Variants in NPAS2 observed in about 807,000 individuals in gnomAD.
The protein encoded by NPAS2 is neuronal PAS domain protein 2.
NPAS2 carries 23 observed loss-of-function variants against 107.5 expected under a neutral mutation model. The ratio of observed to expected loss-of-function variants is 0.21; its 90% CI spans 0.15 to 0.30. The LOEUF is 0.30. Ranked by LOEUF, NPAS2 falls within the 10% of genes least tolerant of loss-of-function variation. NPAS2 has a pLI of 1.00. For synonymous variants in NPAS2, 403 were observed against 417.5 expected (o/e 0.97, Z 0.42); for missense variants, 756 against 1,043.3 (o/e 0.72, Z 3.79).
At chr2:100,845,266 C>T (rs1329920627) in intron 1 of NPAS2, among the ~76,000 whole-genome samples, 1 of 152,154 alleles carries the variant, frequency 6.6e-6, no homozygotes, top group Non-Finnish European at 1.5e-5. Flanking sequence ...AGTTTGGCTT[C>T]GTGGATGGTG....
intron 1 of NPAS2, among the ~76,000 whole-genome samples, chr2:100,864,325 G>A (rs1190339285): frequency 1.3e-5 from 2 of 152,264 alleles, no homozygotes; most frequent in South Asian, 2.1e-4. Context: ...TAGTCCATCA[G>A]GATAAAATAT....
intron 17 of NPAS2, chr2:100,989,591 C>A: frequency 6.6e-6 from 1 of 152,300 alleles, no homozygotes. Context: ...GACAGAAAAC[C>A]CAAAGCAGGT....
Position 100,995,931 on chromosome 2 carries a change from G to A in NPAS2, c.*349G>A, listed in dbSNP as rs1007487319. On this transcript the variant is annotated 3_prime_UTR_variant, in exon 21 of 21. Coordinates refer to ENST00000335681, the MANE Select transcript of NPAS2 (RefSeq NM_002518.4). ...TACACCGGTTGCTCTAGCCACCTGC[G>A]GCCCGCCCATCTGCGCTAGCTGGCC... 4 of 1,396,362 alleles carry A rather than the reference G, an allele frequency of 2.9e-6. No homozygotes were observed. Among genetic ancestry groups the A allele is most frequent in the East Asian group, 3.7e-5 (1 of 27,214 alleles). 86.5% of individuals were successfully genotyped at this position (1,396,362 alleles called of 1,614,324 possible).
intron 15 of NPAS2, among the ~76,000 whole-genome samples, chr2:100,978,779 G>A (rs923321094): frequency 6.6e-6 from 1 of 152,242 alleles, no homozygotes; most frequent in Non-Finnish European, 1.5e-5. Flanking sequence ...TTCTACCCAG[G>A]GAAGTCTGAC....
At chr2:100,967,664 C>A (rs1377450344) in intron 10 of NPAS2, among the ~76,000 whole-genome samples, 2 of 152,166 alleles carry the variant, frequency 1.3e-5, no homozygotes, top group Non-Finnish European at 2.9e-5. Context: ...CATCTTTCTG[C>A]CCTGCCCAGG....
At chr2:100,841,674 CAT>C (rs1029057554) in intron 1 of NPAS2, among the ~76,000 whole-genome samples, 2 of 152,174 alleles carry the variant, frequency 1.3e-5, no homozygotes, top group African/African-American at 4.8e-5. Context: ...TCTACACACA[CAT>C]ACATACACAC....
intron 1 of NPAS2, among the ~76,000 whole-genome samples, chr2:100,853,944 C>T (rs1365971841): frequency 6.7e-6 from 1 of 148,726 alleles, no homozygotes; most frequent in Non-Finnish European, 1.5e-5. Flanking sequence ...CTTTGGGAGG[C>T]CGAGGCAGGA....
At chr2:100,907,522 A>ACACACC (rs765224232) in intron 2 of NPAS2, among the ~76,000 whole-genome samples, 35 of 149,672 alleles carry the variant, frequency 2.3e-4, no homozygotes, top group South Asian at 1.1e-3. Context: ...ACACACACAC[A>ACACACC]CCCCTAAGAT....
intron 1 of NPAS2, among the ~76,000 whole-genome samples, chr2:100,892,314 C>T (rs971021189): frequency 6.6e-6 from 1 of 152,226 alleles, no homozygotes; most frequent in Non-Finnish European, 1.5e-5. Context: ...TCCATTCCTT[C>T]ACTGCATATG....
chr2:100,928,225 C>T (rs997078970), intron 3 of NPAS2, among the ~76,000 whole-genome samples: 2 of 151,928 alleles, frequency 1.3e-5, no homozygotes, highest in African/African-American at 4.8e-5. Context: ...TCAGGAAAGA[C>T]CAATCAAGCA....
At chr2:100,954,976 C>G (rs1039557531) in intron 7 of NPAS2, among the ~76,000 whole-genome samples, 2 of 151,736 alleles carry the variant, frequency 1.3e-5, no homozygotes, top group Non-Finnish European at 2.9e-5. Context: ...CTCCAGGGTT[C>G]AAGCGATTCT....
intron 1 of NPAS2, among the ~76,000 whole-genome samples, chr2:100,880,206 T>A (rs1680244893): frequency 6.6e-6 from 1 of 152,096 alleles, no homozygotes; most frequent in Non-Finnish European, 1.5e-5. Context: ...TGGAAAACAG[T>A]TTGGTGGCTC....
chr2:100,864,327 A>T (rs897863212), intron 1 of NPAS2, among the ~76,000 whole-genome samples: 2 of 152,232 alleles, frequency 1.3e-5, no homozygotes, highest in African/African-American at 4.8e-5. Context: ...GTCCATCAGG[A>T]TAAAATATTA....
intron 4 of NPAS2, among the ~76,000 whole-genome samples, chr2:100,936,620 A>G (rs946435333): frequency 2.0e-5 from 3 of 152,182 alleles, no homozygotes; most frequent in African/African-American, 4.8e-5. Context: ...GAAATCAACT[A>G]TCAGATACAT....
Position 100,873,303 on chromosome 2 carries a change from T to C in NPAS2, c.-22-31430T>C, listed in dbSNP as rs1170591541. ...ATATATATATATATATATATATATA[T>C]ATATACACACACACACACACACACA... On this transcript the variant is annotated intron_variant, in intron 1 of 20. Coordinates refer to ENST00000335681, the MANE Select transcript of NPAS2 (RefSeq NM_002518.4). Among the ~76,000 whole-genome samples, 263 of 45,924 alleles carry C rather than the reference T, an allele frequency of 5.7e-3. 1 individual carries two copies. Among genetic ancestry groups the C allele is most frequent in the Middle Eastern group, 0.029 (2 of 68 alleles). 30.1% of individuals were successfully genotyped at this position (45,924 alleles called of 152,430 possible). A position where few individuals can be genotyped will look rare whatever the true frequency, so the allele number is the denominator to read the frequency against.
In NPAS2 at chr2:100,995,995, G is replaced by T. The variant is rs1678427031; in HGVS notation, c.*413G>T. The T allele has an allele frequency of 8.0e-7, 1 of 1,244,096 alleles. No individual in the cohort carries two copies. The allele number at this position is 1,244,096 out of a possible 1,614,324, so 77.1% of individuals were successfully genotyped here. ...TCGTCTTTCCTTTGTATTGGAGAAG[G>T]ACTGGGTCAGAGATCTGTTGGAGAG... On this transcript the variant is annotated 3_prime_UTR_variant, in exon 21 of 21. Transcript: ENST00000335681.
At position 100,996,646 on chromosome 2, in the gene NPAS2, T is replaced by C. The variant is rs1678453019; in HGVS notation, c.*1064T>C. On this transcript the variant is annotated 3_prime_UTR_variant, in exon 21 of 21. Transcript: ENST00000335681. ...TTTTATGTAATTATAAGATGAAGCG[T>C]AGTGAATTGTACAGCTGTTGTAATA... The C allele has an allele frequency of 6.5e-6, 1 of 152,694 alleles. No homozygotes were observed. The highest frequency in any genetic ancestry group is 2.4e-5 in the African/African-American group (1 of 41,468). 9.5% of individuals were successfully genotyped at this position (152,694 alleles called of 1,614,324 possible). A position where few individuals can be genotyped will look rare whatever the true frequency, so the allele number is the denominator to read the frequency against.
At chr2:100,978,002 G>A (rs762679903) in intron 15 of NPAS2, among the ~76,000 whole-genome samples, 24 of 152,142 alleles carry the variant, frequency 1.6e-4, no homozygotes, top group Non-Finnish European at 2.9e-5. Context: ...TCCAGTGTCT[G>A]GGGTTTTCTT....
At chr2:100,919,995 A>T in intron 2 of NPAS2, among the ~76,000 whole-genome samples, 1 of 152,150 alleles carries the variant, frequency 6.6e-6, no homozygotes, top group South Asian at 2.1e-4. Context: ...GAGGGCCAAG[A>T]CCTCTTCATT....
Sources: gnomAD v4.1 joint callset for allele counts (sites outside exome capture counted in the v4.1 genomes callset) on GRCh38, gnomAD v4.1.1 for gene constraint, MANE v1.5 for transcripts, NCBI Gene and HGNC (gene_info 2026-07-23, HGNC 2026-07-21) for gene names.